The following SLC7A11 variants were observed in gnomAD, a reference collection of about 807,000 sequenced individuals.
SLC7A11 encodes the protein solute carrier family 7 member 11.
Under a neutral mutation model 54.5 loss-of-function variants are expected in SLC7A11, and 35 were observed. That is an observed-to-expected ratio of 0.64 (90% CI 0.49 to 0.85). SLC7A11 has a LOEUF of 0.85. Ranked by LOEUF, SLC7A11 falls within the 40% of genes least tolerant of loss-of-function variation. The pLI is 0.00. For missense variants in SLC7A11, 583 were observed against 618.1 expected, an observed-to-expected ratio of 0.94 and a Z score of 0.60; for synonymous variants, 230 against 225.2, an observed-to-expected ratio of 1.02 and a Z score of -0.19.
At chr4:138,231,451 C>T (rs903737308) in intron 3 of SLC7A11, among the ~76,000 whole-genome samples, 4 of 152,110 alleles carry the variant, frequency 2.6e-5, no homozygotes, top group South Asian at 2.1e-4. Context: ...AATTCTTCCA[C>T]GATTATGCAG....
intron 6 of SLC7A11, among the ~76,000 whole-genome samples, chr4:138,211,239 G>C (rs1737540527): frequency 6.6e-6 from 1 of 151,886 alleles, no homozygotes; most frequent in Non-Finnish European, 1.5e-5. Context: ...GGGACTACTA[G>C]AGTAAGGACG....
intron 2 of SLC7A11, among the ~76,000 whole-genome samples, chr4:138,234,242 C>A (rs569874688): frequency 1.3e-5 from 2 of 152,008 alleles, no homozygotes; most frequent in Non-Finnish European, 2.9e-5. Flanking sequence ...GTTTAATGAC[C>A]CCTGCTGTGT....
At chr4:138,186,675 G>A (rs1267183696) in intron 6 of SLC7A11, among the ~76,000 whole-genome samples, 1 of 152,096 alleles carries the variant, frequency 6.6e-6, no homozygotes, top group African/African-American at 2.4e-5. Flanking sequence ...GTTGATAAAT[G>A]CTACATTTAA....
At chr4:138,227,527 A>C (rs1228764615) in intron 3 of SLC7A11, among the ~76,000 whole-genome samples, 1 of 152,162 alleles carries the variant, frequency 6.6e-6, no homozygotes, top group South Asian at 2.1e-4. Flanking sequence ...TTTAATCCTC[A>C]TATCTCTATG....
rs762278466 is a variant in SLC7A11, at chr4:138,179,214, T to C, written c.1444+3A>G. ...ATGTCCTGAAAGTATTTAAAATTCT[T>C]ACCCGACATTATTCTAAACCACCTG... On this transcript the variant is annotated splice_donor_region_variant and intron_variant, in intron 11 of 11. Transcript: ENST00000280612. 96 of 1,586,282 alleles carry C rather than the reference T, an allele frequency of 6.1e-5. No individual in the cohort carries two copies.
At chr4:138,190,571 G>A (rs529812674) in intron 6 of SLC7A11, among the ~76,000 whole-genome samples, 20 of 152,090 alleles carry the variant, frequency 1.3e-4, no homozygotes, top group Non-Finnish European at 2.8e-4. Context: ...CTTTTTTGCA[G>A]AAGTACTCTA....
Position 138,228,018 on chromosome 4 carries a change from A to C in SLC7A11, c.520+4249T>G, listed in dbSNP as rs72939758. Among the ~76,000 whole-genome samples, 1,220 of 152,326 alleles carry C rather than the reference A, an allele frequency of 8.0e-3. 17 individuals are homozygous for C. Among genetic ancestry groups the C allele is most frequent in the African/African-American group, 0.027 (1,108 of 41,570 alleles). The stretch of plus-strand genomic sequence containing the variant: ...CTGTATTTGAAGTGTTAACACAGAA[A>C]TAGTCCTAGATTTTCTTTTATGTAA... On this transcript the variant is annotated intron_variant, in intron 3 of 11. Transcript: ENST00000280612.
intron 5 of SLC7A11, among the ~76,000 whole-genome samples, chr4:138,215,931 A>G (rs980934874): frequency 6.6e-6 from 1 of 152,206 alleles, no homozygotes; most frequent in African/African-American, 2.4e-5. Flanking sequence ...ATTTATGAAA[A>G]ATAGAACACA....
At chr4:138,178,593 C>G (rs1419796136) in intron 11 of SLC7A11, among the ~76,000 whole-genome samples, 2 of 152,116 alleles carry the variant, frequency 1.3e-5, no homozygotes, top group Admixed American at 6.6e-5. Flanking sequence ...AATTTACATT[C>G]CCACCATAGC....
intron 6 of SLC7A11, among the ~76,000 whole-genome samples, chr4:138,201,937 T>C (rs1426385725): frequency 6.6e-6 from 1 of 152,138 alleles, no homozygotes; most frequent in African/African-American, 2.4e-5. Context: ...TTTCTTTATG[T>C]ATGCAGCATA....
chr4:138,173,432 C>T (rs924993313), intron 11 of SLC7A11, among the ~76,000 whole-genome samples: 5 of 151,792 alleles, frequency 3.3e-5, no homozygotes, highest in Admixed American at 6.6e-5. Flanking sequence ...GTTGGGAGTT[C>T]GAGACCAGCC....
At chr4:138,182,800 C>T (rs1045976577) in intron 8 of SLC7A11, among the ~76,000 whole-genome samples, 36 of 152,030 alleles carry the variant, frequency 2.4e-4, no homozygotes, top group African/African-American at 8.4e-4. Flanking sequence ...GGCTTTTAAT[C>T]GTATATTAAA....
chr4:138,175,280 T>C (rs890105847), intron 11 of SLC7A11, among the ~76,000 whole-genome samples: 92 of 152,160 alleles, frequency 6.0e-4, no homozygotes, highest in African/African-American at 2.2e-3. Flanking sequence ...TCTGCTGGTG[T>C]TTCCCAGTCT....
intron 11 of SLC7A11, among the ~76,000 whole-genome samples, chr4:138,172,907 G>T (rs531656241): frequency 1.3e-5 from 2 of 152,062 alleles, no homozygotes; most frequent in East Asian, 3.9e-4. Flanking sequence ...GCAATGGTGC[G>T]ATCTCGGCTC....
At chr4:138,241,065 GA>G (rs1051521559) in intron 1 of SLC7A11, among the ~76,000 whole-genome samples, 1 of 152,040 alleles carries the variant, frequency 6.6e-6, no homozygotes, top group African/African-American at 2.4e-5. Context: ...GAAATATAAT[GA>G]AAAAAACAGA....
chr4:138,176,227 G>A (rs1300287717), intron 11 of SLC7A11: 1 of 152,110 alleles, frequency 6.6e-6, no homozygotes, highest in Non-Finnish European at 1.5e-5. Context: ...AAATTACGGA[G>A]GACTGTTGCT....
intron 1 of SLC7A11, among the ~76,000 whole-genome samples, chr4:138,239,325 C>T (rs1310368087): frequency 6.6e-6 from 1 of 152,058 alleles, no homozygotes; most frequent in African/African-American, 2.4e-5. Flanking sequence ...AGCTTCATAA[C>T]CATTTTGCCC....
At chr4:138,195,727 T>A (rs943359984) in intron 6 of SLC7A11, among the ~76,000 whole-genome samples, 6 of 152,186 alleles carry the variant, frequency 3.9e-5, no homozygotes, top group South Asian at 2.1e-4. Context: ...TCTTCAAACA[T>A]CTTTATTTAT....
intron 9 of SLC7A11, 45 bp from the exon 10 acceptor site, chr4:138,180,835 A>C (rs746227427): frequency 6.4e-7 from 1 of 1,568,392 alleles, no homozygotes; most frequent in South Asian, 1.2e-5. Flanking sequence ...CAGTGAAAAC[A>C]CAGATGATTA....
Sources: allele counts gnomAD v4.1 joint callset (sites outside exome capture counted in the v4.1 genomes callset), GRCh38; gene constraint gnomAD v4.1.1; transcripts MANE v1.5; gene names NCBI Gene and HGNC (gene_info 2026-07-23, HGNC 2026-07-21).